PARD3B: variants seen among roughly 807,000 people sequenced by gnomAD.
PARD3B encodes par-3 family cell polarity regulator beta.
Under a neutral mutation model 130.2 loss-of-function variants are expected in PARD3B, and 103 were observed. The ratio of observed to expected loss-of-function variants is 0.79; its 90% CI spans 0.67 to 0.93. The LOEUF is 0.93. Among genes scored for constraint, PARD3B ranks in the 40% least tolerant of loss-of-function variants. The probability of loss-of-function intolerance (pLI) is 0.00; values close to 1 mark genes in which losing one functional copy is unlikely to be tolerated. For missense variants in PARD3B, 1,609 were observed against 1,499.2 expected (o/e 1.07, Z -1.21); for synonymous variants, 583 against 553.2 (o/e 1.05, Z -0.76).
intron 2 of PARD3B, among the ~76,000 whole-genome samples, chr2:204,690,994 T>A (rs1407695193): frequency 6.6e-6 from 1 of 152,138 alleles, no homozygotes; most frequent in Non-Finnish European, 1.5e-5. Context: ...TATGCTGTTA[T>A]CGTCTATAGT....
At chr2:205,416,038 A>AT (rs1320641985) in intron 19 of PARD3B, among the ~76,000 whole-genome samples, 1 of 152,006 alleles carries the variant, frequency 6.6e-6, no homozygotes, top group Non-Finnish European at 1.5e-5. Context: ...CAGGAAAGGA[A>AT]TTTTTTTTCA....
At chr2:205,588,110 A>C (rs912030468) in intron 22 of PARD3B, among the ~76,000 whole-genome samples, 8 of 152,332 alleles carry the variant, frequency 5.3e-5, no homozygotes, top group East Asian at 1.9e-4. Context: ...CAGACATTTC[A>C]CTGTGAAGGT....
chr2:204,563,814 C>T (rs2031497568), intron 1 of PARD3B, among the ~76,000 whole-genome samples: 1 of 152,154 alleles, frequency 6.6e-6, no homozygotes, highest in Non-Finnish European at 1.5e-5. Flanking sequence ...TGCTCTGTCA[C>T]CCAGGCTAGA....
chr2:205,528,146 C>G (rs1045690525), intron 21 of PARD3B, among the ~76,000 whole-genome samples: 8 of 152,184 alleles, frequency 5.3e-5, no homozygotes, highest in African/African-American at 1.9e-4. Context: ...TTTCATACAT[C>G]TGTACAGTCA....
chr2:205,379,738 A>G (rs1294197576), intron 18 of PARD3B, among the ~76,000 whole-genome samples: 1 of 152,040 alleles, frequency 6.6e-6, no homozygotes, highest in Admixed American at 6.6e-5. Context: ...CAGGTATTAC[A>G]GTGAGAGCTC....
intron 18 of PARD3B, among the ~76,000 whole-genome samples, chr2:205,393,149 C>T (rs956071253): frequency 2.0e-5 from 3 of 152,158 alleles, no homozygotes; most frequent in East Asian, 1.9e-4. Flanking sequence ...ATTTCATCAG[C>T]ATATGCGTAT....
rs187874866 is a variant in PARD3B at position 205,235,192 on chromosome 2, G to T, written c.2141-10586G>T. Among the ~76,000 whole-genome samples the T allele has an allele frequency of 6.4e-3, 977 of 152,208 alleles. 13 individuals carry two copies. Among genetic ancestry groups the T allele is most frequent in the African/African-American group, 0.022 (921 of 41,524 alleles). On this transcript the variant is annotated intron_variant, in intron 15 of 22. Coordinates refer to ENST00000406610, the MANE Select transcript of PARD3B (RefSeq NM_001302769.2). ...TCACAGCAATTTGGGAGGCTGAGGT[G>T]GGCAGATCATTTGAGCGTAGGAGTT...
rs79407607 is a variant in PARD3B at position 205,170,706 on chromosome 2, C to T, written c.1621-1505C>T. Among the ~76,000 whole-genome samples the T allele has an allele frequency of 5.0e-3, 763 of 152,274 alleles. 16 individuals are homozygous for T. Among genetic ancestry groups the T allele is most frequent in the East Asian group, 0.037 (190 of 5,176 alleles). ...CTGCATTAGTCCGAGTTTAACGACC[C>T]GTCTGCACAGTTTCCCTCCCAAAGC... On this transcript the variant is annotated intron_variant, in intron 11 of 22. Transcript: ENST00000406610.
intron 18 of PARD3B, among the ~76,000 whole-genome samples, chr2:205,336,366 C>T (rs1179230200): frequency 3.3e-5 from 5 of 152,200 alleles, no homozygotes; most frequent in Non-Finnish European, 7.3e-5. Flanking sequence ...TGAGCAACTC[C>T]ATTCCTGATT....
chr2:205,381,769 G>A (rs2045458621), intron 18 of PARD3B, among the ~76,000 whole-genome samples: 1 of 151,988 alleles, frequency 6.6e-6, no homozygotes, highest in South Asian at 2.1e-4. Flanking sequence ...TGTAGACAAT[G>A]TATATATTTC....
chr2:205,273,603 T>G (rs2040826183), intron 16 of PARD3B, among the ~76,000 whole-genome samples: 1 of 152,194 alleles, frequency 6.6e-6, no homozygotes, highest in East Asian at 1.9e-4. Context: ...AAATACAAAA[T>G]GGATTTGCGT....
intron 2 of PARD3B, among the ~76,000 whole-genome samples, chr2:204,819,457 T>C (rs1021768351): frequency 6.6e-6 from 1 of 152,218 alleles, no homozygotes; most frequent in Non-Finnish European, 1.5e-5. Context: ...TCAACTGTTC[T>C]CCTGTCTTCT....
At chr2:204,896,331 A>T (rs141346432) in intron 2 of PARD3B, among the ~76,000 whole-genome samples, 2 of 152,288 alleles carry the variant, frequency 1.3e-5, no homozygotes, top group East Asian at 3.9e-4. Context: ...CCTCCATGTC[A>T]TGCTTCTGTT....
chr2:205,426,872 C>T (rs1342085114), intron 19 of PARD3B, among the ~76,000 whole-genome samples: 1 of 152,044 alleles, frequency 6.6e-6, no homozygotes. Flanking sequence ...ATTTATACCA[C>T]AGATAAAGTG....
intron 3 of PARD3B, among the ~76,000 whole-genome samples, chr2:204,989,094 G>A (rs1173531371): frequency 6.6e-6 from 1 of 152,100 alleles, no homozygotes; most frequent in Non-Finnish European, 1.5e-5. Context: ...CAGTTTAAAT[G>A]TAATGTTAAG....
intron 3 of PARD3B, among the ~76,000 whole-genome samples, chr2:204,995,266 G>A (rs183807828): frequency 6.6e-6 from 1 of 151,868 alleles, no homozygotes; most frequent in East Asian, 1.9e-4. Context: ...GCTCTTTTAG[G>A]GCAGGCCTTG....
intron 15 of PARD3B, among the ~76,000 whole-genome samples, chr2:205,211,568 T>C (rs1295908798): frequency 6.6e-6 from 1 of 152,026 alleles, no homozygotes; most frequent in East Asian, 1.9e-4. Context: ...TGGAAAGATA[T>C]CCAGTAGGAC....
At chr2:204,667,355 A>AT (rs111943183) in intron 1 of PARD3B, among the ~76,000 whole-genome samples, 70 of 151,060 alleles carry the variant, frequency 4.6e-4, no homozygotes, top group East Asian at 3.1e-3. Flanking sequence ...TACCTTAAAT[A>AT]TTTTTTTTTA....
intron 15 of PARD3B, among the ~76,000 whole-genome samples, chr2:205,211,986 T>C (rs1229255429): frequency 1.3e-5 from 2 of 152,160 alleles, no homozygotes; most frequent in South Asian, 2.1e-4. Context: ...AGCACCCAAA[T>C]TGAAGGAAAA....
Sources: gnomAD v4.1 joint callset for allele counts (sites outside exome capture counted in the v4.1 genomes callset) on GRCh38, gnomAD v4.1.1 for gene constraint, MANE v1.5 for transcripts, NCBI Gene and HGNC (gene_info 2026-07-23, HGNC 2026-07-21) for gene names.